Variants in PCSK5 observed in about 807,000 individuals in gnomAD.
The protein encoded by PCSK5 is prohormone convertase 5.
A neutral mutation model predicts 233.2 loss-of-function variants in PCSK5; 129 were observed. The ratio of observed to expected loss-of-function variants is 0.55; its 90% CI spans 0.48 to 0.64. The LOEUF (loss-of-function observed/expected upper bound fraction) is 0.64. PCSK5 is among the 30% of genes least tolerant of loss of function. The probability of loss-of-function intolerance (pLI) is 0.00; values close to 1 mark genes in which losing one functional copy is unlikely to be tolerated. For synonymous variants in PCSK5, 825 were observed against 879.2 expected (o/e 0.94, Z 1.09); for missense variants, 2,076 against 2,430.1 (o/e 0.85, Z 3.06).
At chr9:76,031,911 T>C (rs1828667896) in intron 5 of PCSK5, among the ~76,000 whole-genome samples, 1 of 152,218 alleles carries the variant, frequency 6.6e-6, no homozygotes, top group Admixed American at 6.5e-5. Flanking sequence ...TTGGGGTTTA[T>C]TTCCGGAGTT....
intron 9 of PCSK5, among the ~76,000 whole-genome samples, chr9:76,130,416 A>T (rs1248241556): frequency 3.9e-5 from 6 of 152,188 alleles, no homozygotes; most frequent in Non-Finnish European, 8.8e-5. Context: ...AGCATAAGTT[A>T]TACAGCCAAG....
chr9:75,925,320 A>G (rs1823437436), intron 1 of PCSK5, among the ~76,000 whole-genome samples: 1 of 152,212 alleles, frequency 6.6e-6, no homozygotes, highest in Admixed American at 6.5e-5. Context: ...AAGAATGAGC[A>G]GGAAACTTTC....
At chr9:76,083,348 G>A (rs1587604212) in intron 7 of PCSK5, among the ~76,000 whole-genome samples, 1 of 152,024 alleles carries the variant, frequency 6.6e-6, no homozygotes, top group Admixed American at 6.5e-5. Context: ...AGCTTATAGG[G>A]TTTGCTTTGT....
At chr9:76,004,081 A>G (rs1827376696) in intron 3 of PCSK5, among the ~76,000 whole-genome samples, 1 of 152,140 alleles carries the variant, frequency 6.6e-6, no homozygotes, top group Admixed American at 6.6e-5. Flanking sequence ...TATAGGCATG[A>G]AACACCGTGT....
intron 2 of PCSK5, among the ~76,000 whole-genome samples, chr9:75,965,271 G>GTA (rs370536515): frequency 9.5e-6 from 1 of 105,738 alleles, no homozygotes; most frequent in African/African-American, 3.3e-5. Context: ...ATGTGTGTGT[G>GTA]TGTGTGTGTG....
intron 20 of PCSK5, among the ~76,000 whole-genome samples, chr9:76,215,501 T>G (rs778046418): frequency 1.3e-5 from 2 of 152,170 alleles, no homozygotes; most frequent in Non-Finnish European, 2.9e-5. Context: ...CTTGTTTCAC[T>G]GGTTGCTTGT....
chr9:76,241,469 ACT>A (rs1246310225), intron 24 of PCSK5, among the ~76,000 whole-genome samples: 1 of 152,004 alleles, frequency 6.6e-6, no homozygotes, highest in Non-Finnish European at 1.5e-5. Flanking sequence ...AATAAAAATG[ACT>A]CTGTTGCTTG....
At chr9:76,254,441 C>G (rs959557410) in intron 24 of PCSK5, among the ~76,000 whole-genome samples, 8 of 151,514 alleles carry the variant, frequency 5.3e-5, no homozygotes, top group Non-Finnish European at 1.0e-4. Context: ...TTTTTCTTCT[C>G]TCAAAGCAAC....
At chr9:76,125,133 C>A (rs77906907) in intron 9 of PCSK5, among the ~76,000 whole-genome samples, 1 of 151,864 alleles carries the variant, frequency 6.6e-6, no homozygotes. Context: ...AAAAAAAAAA[C>A]TGGCTACAGA....
intron 3 of PCSK5, among the ~76,000 whole-genome samples, chr9:75,994,370 TC>T (rs1167180175): frequency 4.2e-5 from 6 of 142,812 alleles, no homozygotes; most frequent in African/African-American, 1.3e-4. Context: ...CCTCCCAACC[TC>T]CCAGTTTCTT....
At chr9:76,195,518 T>G (rs1022751883) in intron 20 of PCSK5, 1 of 152,176 alleles carries the variant, frequency 6.6e-6, no homozygotes, top group African/African-American at 2.4e-5. Flanking sequence ...TGTTACTGCC[T>G]CATTTATCTA....
intron 7 of PCSK5, among the ~76,000 whole-genome samples, chr9:76,073,064 C>T (rs911466031): frequency 6.6e-6 from 1 of 152,178 alleles, no homozygotes; most frequent in African/African-American, 2.4e-5. Context: ...CAGTGCATTG[C>T]ATTCTAGTGA....
chr9:76,326,297 G>A (rs12376628), intron 32 of PCSK5, among the ~76,000 whole-genome samples: 4 of 151,902 alleles, frequency 2.6e-5, no homozygotes, highest in African/African-American at 4.8e-5. Context: ...GAGATGGGGG[G>A]ATCACTTTAG....
rs2131538056 is a variant in PCSK5 at position 76,358,897 on chromosome 9, A to G, written c.5639A>G (p.Asp1880Gly). ...DDDIDELEYD[D>G]ESYSYYQ ...GACATAGATGAGCTGGAATATGATGACGAGAGTTACTCCTACTACCAGTAA... is the reference window on the plus strand; with the variant it reads ...GACATAGATGAGCTGGAATATGATGGCGAGAGTTACTCCTACTACCAGTAA... The change falls in exon 38 of 38, where the codon GAC becomes GGC. Residue 1880 changes from aspartate (D) to glycine (G), a missense_variant. Asp to Gly is a moderately conservative substitution (Grantham distance 94). This residue lies in a region of PCSK5 where 1,510 missense variants were observed against 1,538.1 expected (regional missense o/e 0.98). Coordinates refer to ENST00000674117, the MANE Select transcript of PCSK5 (RefSeq NM_001372043.1). The G allele has an allele frequency of 6.2e-7, 1 of 1,612,764 alleles. No homozygotes were observed. Among genetic ancestry groups the G allele is most frequent in the Non-Finnish European group, 8.5e-7 (1 of 1,179,844 alleles).
intron 25 of PCSK5, 89 bp downstream of exon 25, chr9:76,292,364 T>A: frequency 1.2e-6 from 1 of 854,432 alleles, no homozygotes; most frequent in Non-Finnish European, 2.0e-6. Context: ...TAAAGCAAAG[T>A]GGCCCTGCAG....
intron 20 of PCSK5, chr9:76,205,171 A>T (rs1825063363): frequency 1.9e-6 from 1 of 518,850 alleles, no homozygotes; most frequent in Non-Finnish European, 3.8e-6. Context: ...TATAAACCTC[A>T]GTTTGCAGCT....
chr9:75,948,324 C>T (rs1044491652), intron 2 of PCSK5, among the ~76,000 whole-genome samples: 2 of 144,198 alleles, frequency 1.4e-5, no homozygotes, highest in South Asian at 2.4e-4. Context: ...CCCCACCCCC[C>T]GAAAGGCCCC....
At chr9:76,079,671 A>T (rs1830765604) in intron 7 of PCSK5, among the ~76,000 whole-genome samples, 1 of 152,076 alleles carries the variant, frequency 6.6e-6, no homozygotes, top group Admixed American at 6.6e-5. Context: ...CTCTTGTCTG[A>T]TTGCTCTGGC....
At chr9:75,909,998 T>C (rs931830745) in intron 1 of PCSK5, among the ~76,000 whole-genome samples, 5 of 152,200 alleles carry the variant, frequency 3.3e-5, no homozygotes, top group Non-Finnish European at 2.9e-5. Flanking sequence ...AGATGGTGGA[T>C]GCTTCATTAG....
Sources: gnomAD v4.1 joint callset for allele counts (sites outside exome capture counted in the v4.1 genomes callset) on GRCh38, gnomAD v4.1.1 for gene constraint, gnomAD v4.1.1 regional missense constraint, MANE v1.5 for transcripts, NCBI Gene and HGNC (gene_info 2026-07-23, HGNC 2026-07-21) for gene names.